The following RASSF9 variants were observed in gnomAD, a reference collection of about 807,000 sequenced individuals.
The protein encoded by RASSF9 is Ras association domain family member 9.
RASSF9 carries 18 observed loss-of-function variants against 21.4 expected under a neutral mutation model. The ratio of observed to expected loss-of-function variants is 0.84; its 90% CI spans 0.58 to 1.25. The LOEUF (loss-of-function observed/expected upper bound fraction) is 1.25. Among genes scored for constraint, RASSF9 ranks in the 50% most tolerant of loss-of-function variants. The pLI is 0.00. For synonymous variants in RASSF9, 183 were observed against 179.1 expected, an observed-to-expected ratio of 1.02 and a Z score of -0.18; for missense variants, 480 against 503.2, an observed-to-expected ratio of 0.95 and a Z score of 0.44.
chr12:85,827,704 G>A (rs1240204161), intron 1 of RASSF9, among the ~76,000 whole-genome samples: 1 of 152,082 alleles, frequency 6.6e-6, no homozygotes, highest in African/African-American at 2.4e-5. Flanking sequence ...TATACCTTCT[G>A]TTCAACCTGG....
intron 1 of RASSF9, among the ~76,000 whole-genome samples, chr12:85,827,224 AT>A (rs2136562356): frequency 6.6e-6 from 1 of 152,284 alleles, no homozygotes; most frequent in African/African-American, 2.4e-5. Flanking sequence ...TGTTTGACAA[AT>A]ATCTTCAGAA....
At chr12:85,834,056 C>A (rs757263540) in intron 1 of RASSF9, among the ~76,000 whole-genome samples, 16 of 151,952 alleles carry the variant, frequency 1.1e-4, no homozygotes, top group Non-Finnish European at 2.2e-4. Context: ...AAACAAAAGA[C>A]CCTGTATATA....
At chr12:85,817,123 G>A (rs1263573098) in intron 1 of RASSF9, among the ~76,000 whole-genome samples, 3 of 152,076 alleles carry the variant, frequency 2.0e-5, no homozygotes, top group East Asian at 1.9e-4. Flanking sequence ...TAATAAAGAT[G>A]TGTTTAATTA....
chr12:85,820,214 T>C (rs973795126), intron 1 of RASSF9, among the ~76,000 whole-genome samples: 2 of 152,230 alleles, frequency 1.3e-5, no homozygotes, highest in African/African-American at 4.8e-5. Flanking sequence ...CATAAAGTTT[T>C]ATTGAAAACC....
chr12:85,818,800 A>AAT (rs566670221), intron 1 of RASSF9, among the ~76,000 whole-genome samples: 2,273 of 152,034 alleles, frequency 0.015, 37 homozygotes, highest in South Asian at 0.027. Flanking sequence ...CTCTACTAAA[A>AAT]ACACATAAAT....
intron 1 of RASSF9, among the ~76,000 whole-genome samples, chr12:85,826,284 G>T (rs140596987): frequency 3.3e-5 from 5 of 151,988 alleles, no homozygotes; most frequent in African/African-American, 1.2e-4. Context: ...GTCACGAATG[G>T]TTCTTTTTTC....
Position 85,804,928 on chromosome 12 carries a change from G to A in RASSF9, c.1082C>T (p.Ala361Val). 6.2e-7 allele frequency: 1 copy of A among 1,613,672 alleles called. No homozygotes were observed. The highest frequency in any genetic ancestry group is 8.5e-7 in the Non-Finnish European group (1 of 1,179,648). ...QMKAKEYELL[A>V]KEFNSLHISN... ...AATGTGAAGTGAATTGAATTCCTTG[G>A]CCAGGAGTTCATATTCTTTTGCTTT... Residue 361 changes from alanine (A) to valine (V), a missense_variant, in exon 2 of 2, where the codon GCC (alanine) becomes GTC (valine). Ala to Val is a moderately conservative substitution (Grantham distance 64, BLOSUM62 0). Transcript: ENST00000361228.
At position 85,804,987 on chromosome 12, in the gene RASSF9, T is replaced by C. The variant is rs1234930408; in HGVS notation, c.1023A>G (p.Lys341=). 4 of 1,613,734 alleles carry C rather than the reference T, an allele frequency of 2.5e-6. No individual in the cohort carries two copies. Among genetic ancestry groups the C allele is most frequent in the East Asian group, 4.5e-5 (2 of 44,890 alleles). Residue 341 remains lysine, a synonymous_variant, in exon 2 of 2, where the codon AAA becomes AAG. Transcript: ENST00000361228. ...GCAATGAGTCACTGTATTTAATCTC[T>C]TTCTGGATGCCACTCAAATGAGAGT... ...KIHSHLSGIQ[K]EIKYSDSLLQ... is the part of the protein sequence containing the mutation.
chr12:85,812,945 G>A (rs1198016577), intron 1 of RASSF9, among the ~76,000 whole-genome samples: 9 of 151,584 alleles, frequency 5.9e-5, no homozygotes, highest in Non-Finnish European at 5.9e-5. Flanking sequence ...CCAAATAAGA[G>A]GCGTTTTAAA....
chr12:85,833,347 T>C (rs932272582), intron 1 of RASSF9, among the ~76,000 whole-genome samples: 2 of 151,954 alleles, frequency 1.3e-5, no homozygotes, highest in South Asian at 2.1e-4. Flanking sequence ...GTCTACCACA[T>C]GGCAGGCACT....
At chr12:85,829,295 T>C (rs905028327) in intron 1 of RASSF9, among the ~76,000 whole-genome samples, 7 of 152,088 alleles carry the variant, frequency 4.6e-5, no homozygotes, top group African/African-American at 1.7e-4. Context: ...TCTGCATCAA[T>C]GGAAATAAAA....
intron 1 of RASSF9, among the ~76,000 whole-genome samples, chr12:85,828,638 A>G (rs1592534145): frequency 2.0e-5 from 3 of 152,280 alleles, no homozygotes; most frequent in African/African-American, 7.2e-5. Flanking sequence ...ATTGCTTAAC[A>G]TTGTTAAAAC....
chr12:85,807,835 T>C (rs1212787358), intron 1 of RASSF9, among the ~76,000 whole-genome samples: 1 of 152,166 alleles, frequency 6.6e-6, no homozygotes, highest in Non-Finnish European at 1.5e-5. Flanking sequence ...TTTAAGATCA[T>C]ACTTTCCATC....
At chr12:85,825,541 C>A (rs1023712368) in intron 1 of RASSF9, among the ~76,000 whole-genome samples, 1 of 152,024 alleles carries the variant, frequency 6.6e-6, no homozygotes, top group East Asian at 1.9e-4. Flanking sequence ...TTATCTATAG[C>A]TGTTTTCATA....
At chr12:85,809,935 A>C (rs1879916015) in intron 1 of RASSF9, among the ~76,000 whole-genome samples, 1 of 151,406 alleles carries the variant, frequency 6.6e-6, no homozygotes, top group South Asian at 2.1e-4. Flanking sequence ...CACCAAAACT[A>C]TCATTTTCTT....
intron 1 of RASSF9, among the ~76,000 whole-genome samples, chr12:85,818,964 A>AC (rs1880146914): frequency 6.7e-6 from 1 of 148,474 alleles, no homozygotes; most frequent in African/African-American, 2.6e-5. Context: ...GTCAAAAAAA[A>AC]AAAAAAAAAA....
intron 1 of RASSF9, among the ~76,000 whole-genome samples, chr12:85,820,061 C>A (rs1048561012): frequency 1.3e-5 from 2 of 152,070 alleles, no homozygotes; most frequent in African/African-American, 4.8e-5. Flanking sequence ...CAAACTATAG[C>A]CCTTTGATCA....
intron 1 of RASSF9, among the ~76,000 whole-genome samples, chr12:85,824,965 C>T (rs1025601246): frequency 6.6e-6 from 1 of 152,052 alleles, no homozygotes; most frequent in Non-Finnish European, 1.5e-5. Flanking sequence ...TCTGAATAAC[C>T]CCACTCCCAC....
At position 85,801,330 on chromosome 12, in the gene RASSF9, TC is replaced by T. The variant is rs1163652106; in HGVS notation, c.*3371del. 1 of 152,174 alleles carries T rather than the reference TC, an allele frequency of 6.6e-6. No individual in the cohort carries two copies. The highest frequency in any genetic ancestry group is 1.5e-5 in the Non-Finnish European group (1 of 68,036). 9.4% of individuals were successfully genotyped at this position (152,174 alleles called of 1,614,324 possible). On this transcript the variant is annotated 3_prime_UTR_variant, in exon 2 of 2. Transcript: ENST00000361228. ...GGTCAATTACTGTTAATGTTTTAAGTCTGCTAAAATACGTATTCATTCATGT... is the reference window on the plus strand; with the variant it reads ...GGTCAATTACTGTTAATGTTTTAAGTTGCTAAAATACGTATTCATTCATGT...
Sources: gnomAD v4.1 joint callset for allele counts (sites outside exome capture counted in the v4.1 genomes callset) on GRCh38, gnomAD v4.1.1 for gene constraint, MANE v1.5 for transcripts, NCBI Gene and HGNC (gene_info 2026-07-23, HGNC 2026-07-21) for gene names.